The following NKX3-2 variants were observed in gnomAD, a reference collection of about 807,000 sequenced individuals.
The protein encoded by NKX3-2 is NK3 homeobox 2.
A neutral mutation model predicts 19.4 loss-of-function variants in NKX3-2; 13 were observed. That is an observed-to-expected ratio of 0.67 (90% CI 0.44 to 1.07). The LOEUF is 1.07. Ranked by LOEUF, NKX3-2 falls within the 50% of genes least tolerant of loss-of-function variation. The probability of loss-of-function intolerance (pLI) is 0.00; values close to 1 mark genes in which losing one functional copy is unlikely to be tolerated. For synonymous variants in NKX3-2, 269 were observed against 230.5 expected (o/e 1.17, Z -1.51); for missense variants, 562 against 488.2 (o/e 1.15, Z -1.42).
rs532908380 is a variant in NKX3-2, at chr4:13,543,306, G to A, written c.466+643C>T. On this transcript the variant is annotated intron_variant, in intron 1 of 1. Transcript: ENST00000382438. The surrounding 1 kb of genome is among the most constrained non-coding windows in gnomAD (Gnocchi z 7.1). ...CCGGGTCTTCCAGACCACAGGACAG[G>A]ACAGGCCACGGCTGAGGAGGCCTCT... Among the ~76,000 whole-genome samples, 2 of 152,296 alleles carry A rather than the reference G, an allele frequency of 1.3e-5. No homozygotes were observed. The highest frequency in any genetic ancestry group is 3.9e-4 in the East Asian group (2 of 5,148).
rs769173665 is a variant in NKX3-2 at position 13,544,461 on chromosome 4, C to G, written c.-47G>C. The G allele has an allele frequency of 5.2e-6, 7 of 1,358,082 alleles. No homozygotes were observed. Among genetic ancestry groups the G allele is most frequent in the South Asian group, 4.9e-5 (3 of 61,588 alleles). 84.1% of individuals were successfully genotyped at this position (1,358,082 alleles called of 1,614,324 possible). A position where few individuals can be genotyped will look rare whatever the true frequency, so the allele number is the denominator to read the frequency against. The stretch of plus-strand genomic sequence containing the variant: ...CCGGCGGGGCGGGCAGCTGGGGCGC[C>G]GAGCAGCTCCGAGCGGGACAGAGAG... On this transcript the variant is annotated 5_prime_UTR_variant, in exon 1 of 2. Transcript: ENST00000382438.
chr4:13,545,560 C>CCTTGA (rs1299720530), upstream of NKX3-2, among the ~76,000 whole-genome samples: 1 of 151,944 alleles, frequency 6.6e-6, no homozygotes, highest in Non-Finnish European at 1.5e-5. Context: ...TCCTCGTCGT[C>CCTTGA]TTTGATTTGA....
upstream of NKX3-2, chr4:13,547,437 C>T (rs1043097055): frequency 1.3e-5 from 4 of 317,874 alleles, 1 homozygote; most frequent in South Asian, 7.2e-5. Flanking sequence ...CCCGGCCGGG[C>T]GGCCGGTGAG....
Position 13,544,436 on chromosome 4 carries a change from C to T in NKX3-2, c.-22G>A. Reference sequence around the variant, plus strand: ...CCATCTGCGCCGCGGGCAGGAGCGGCCGGCGGGGCGGGCAGCTGGGGCGCC... The same window carrying T: ...CCATCTGCGCCGCGGGCAGGAGCGGTCGGCGGGGCGGGCAGCTGGGGCGCC... On this transcript the variant is annotated 5_prime_UTR_variant, in exon 1 of 2. Transcript: ENST00000382438. The T allele has an allele frequency of 4.1e-6, 6 of 1,468,542 alleles. No individual in the cohort carries two copies. The highest frequency in any genetic ancestry group is 5.4e-6 in the Non-Finnish European group (6 of 1,117,048). 91.0% of individuals were successfully genotyped at this position (1,468,542 alleles called of 1,614,324 possible). A position where few individuals can be genotyped will look rare whatever the true frequency, so the allele number is the denominator to read the frequency against.
Position 13,542,499 on chromosome 4 carries a change from C to G in NKX3-2, c.496G>C (p.Gly166Arg), listed in dbSNP as rs748256491. Residue 166 changes from glycine (G) to arginine (R), a missense_variant, in exon 2 of 2, where the codon GGT becomes CGT. Transcript: ENST00000382438. The surrounding 1 kb of genome is among the most constrained non-coding windows in gnomAD (Gnocchi z 6.4). Reference protein sequence around the residue: ...GDRSPRTEDDGVGPRGAHVSA... With the variant: ...GDRSPRTEDDRVGPRGAHVSA... Reference sequence around the variant, plus strand: ...ACGTGTGCACCTCTGGGGCCAACACCGTCGTCCTCGGTCCTTGGGCTGCGG... The same window carrying G: ...ACGTGTGCACCTCTGGGGCCAACACGGTCGTCCTCGGTCCTTGGGCTGCGG... 6.3e-7 allele frequency: 1 copy of G among 1,596,670 alleles called. No homozygotes were observed. Among genetic ancestry groups the G allele is most frequent in the Non-Finnish European group, 8.5e-7 (1 of 1,179,594 alleles).
In NKX3-2 at chr4:13,541,700, T is replaced by C. The variant is rs1717987656; in HGVS notation, c.*293A>G. 2 of 380,838 alleles carry C rather than the reference T, an allele frequency of 5.3e-6. No individual in the cohort carries two copies. Among genetic ancestry groups the C allele is most frequent in the Non-Finnish European group, 9.4e-6 (2 of 212,322 alleles). The allele number at this position is 380,838 out of a possible 1,614,324, so 23.6% of individuals were successfully genotyped here. A position where few individuals can be genotyped will look rare whatever the true frequency, so the allele number is the denominator to read the frequency against. On this transcript the variant is annotated 3_prime_UTR_variant, in exon 2 of 2. Transcript: ENST00000382438. ...CCAGGCAGACATATTCGAATCAAAA[T>C]TTAATTCCAACATTGTCATGATAAT...
Position 13,542,530 on chromosome 4 carries a change from T to C in NKX3-2, c.467-2A>G. On this transcript the variant is annotated splice_acceptor_variant, in intron 1 of 1. Coordinates refer to ENST00000382438, the MANE Select transcript of NKX3-2 (RefSeq NM_001189.4). LOFTEE classifies it high-confidence loss of function. This position sits in a 1 kb window ranked among gnomAD's most constrained non-coding sequence, Gnocchi z 6.4. Reference sequence around the variant, plus strand: ...CCTCGGTCCTTGGGCTGCGGTCGCCTGCGGACCCCGGTGGGAACAGAAACA... The same window carrying C: ...CCTCGGTCCTTGGGCTGCGGTCGCCCGCGGACCCCGGTGGGAACAGAAACA... 6.3e-7 allele frequency: 1 copy of C among 1,596,320 alleles called. No homozygotes were observed. Among genetic ancestry groups the C allele is most frequent in the Non-Finnish European group, 8.5e-7 (1 of 1,179,586 alleles).
rs574180338 is a variant in NKX3-2, at chr4:13,543,809, C to T, written c.466+140G>A. ...CCCGAAGTGATAGAGCAGCTCGCGCCAGAGCGCAGAACTTCGGGATTTGGC... is the reference window on the plus strand; with the variant it reads ...CCCGAAGTGATAGAGCAGCTCGCGCTAGAGCGCAGAACTTCGGGATTTGGC... On this transcript the variant is annotated intron_variant, in intron 1 of 1. Coordinates refer to ENST00000382438, the MANE Select transcript of NKX3-2 (RefSeq NM_001189.4). The surrounding 1 kb of genome is among the most constrained non-coding windows in gnomAD (Gnocchi z 7.1). 1 of 775,094 alleles carries T rather than the reference C, an allele frequency of 1.3e-6. No individual in the cohort carries two copies. Among genetic ancestry groups the T allele is most frequent in the Non-Finnish European group, 2.0e-6 (1 of 512,416 alleles). The allele number at this position is 775,094 out of a possible 1,614,324, so 48.0% of individuals were successfully genotyped here. A position where few individuals can be genotyped will look rare whatever the true frequency, so the allele number is the denominator to read the frequency against.
rs1177696263 is a variant in NKX3-2 at position 13,543,922 on chromosome 4, C to T, written c.466+27G>A. The T allele has an allele frequency of 6.5e-7, 1 of 1,527,018 alleles. No homozygotes were observed. The highest frequency in any genetic ancestry group is 8.8e-7 in the Non-Finnish European group (1 of 1,138,396). 94.6% of individuals were successfully genotyped at this position (1,527,018 alleles called of 1,614,324 possible). A position where few individuals can be genotyped will look rare whatever the true frequency, so the allele number is the denominator to read the frequency against. ...TCCGCGTCCATCCCCTCAGCCCGGC[C>T]CCCATCCCCGCGAAGCCGCAGCAGA... On this transcript the variant is annotated intron_variant, in intron 1 of 1. Coordinates refer to ENST00000382438, the MANE Select transcript of NKX3-2 (RefSeq NM_001189.4). This position sits in a 1 kb window ranked among gnomAD's most constrained non-coding sequence, Gnocchi z 7.1.
In NKX3-2 at chr4:13,544,476, G is replaced by T; in HGVS notation, c.-62C>A. 1 of 1,221,742 alleles carries T rather than the reference G, an allele frequency of 8.2e-7. No homozygotes were observed. The highest frequency in any genetic ancestry group is 1.6e-5 in the African/African-American group (1 of 62,748). The allele number at this position is 1,221,742 out of a possible 1,614,324, so 75.7% of individuals were successfully genotyped here. On this transcript the variant is annotated 5_prime_UTR_variant, in exon 1 of 2. Transcript: ENST00000382438. ...GCTGGGGCGCCGAGCAGCTCCGAGC[G>T]GGACAGAGAGCGCCGGCGGCCGCAG...
chr4:13,544,001 T>C lies in NKX3-2; in HGVS notation c.414A>G (p.Leu138=), dbSNP rs767003449. Residue 138 remains leucine (L), a synonymous_variant, in exon 1 of 2, where the codon CTA becomes CTG. Coordinates refer to ENST00000382438, the MANE Select transcript of NKX3-2 (RefSeq NM_001189.4). ...PVCELAASKD[L]EEEAAGRSDS... ...CGCTCCGGCCCGCGGCTTCCTCCTCTAGGTCTTTGGAAGCGGCCAGCTCAC... is the reference window on the plus strand; with the variant it reads ...CGCTCCGGCCCGCGGCTTCCTCCTCCAGGTCTTTGGAAGCGGCCAGCTCAC... The C allele has an allele frequency of 6.4e-7, 1 of 1,571,038 alleles. No homozygotes were observed. The highest frequency in any genetic ancestry group is 1.4e-5 in the African/African-American group (1 of 71,968).
chr4:13,542,449 G>A lies in NKX3-2; in HGVS notation c.546C>T (p.Gly182=), dbSNP rs1718014076. 9 of 1,574,200 alleles carry A rather than the reference G, an allele frequency of 5.7e-6. No homozygotes were observed. The highest frequency in any genetic ancestry group is 2.2e-4 in the Middle Eastern group (1 of 4,474). The change falls in exon 2 of 2, where the codon GGC becomes GGT. Residue 182 remains glycine, a synonymous_variant. Coordinates refer to ENST00000382438, the MANE Select transcript of NKX3-2 (RefSeq NM_001189.4). This position sits in a 1 kb window ranked among gnomAD's most constrained non-coding sequence, Gnocchi z 6.4. ...AHVSALCSGA[G]GGGGSGPAGV... ...CTGCCGGCCCGCTGCCGCCCCCGCC[G>A]CCGGCCCCGCTGCACAGCGCGGACA...
Position 13,544,475 on chromosome 4 carries a change from C to T in NKX3-2, c.-61G>A, listed in dbSNP as rs531958309. Reference sequence around the variant, plus strand: ...AGCTGGGGCGCCGAGCAGCTCCGAGCGGGACAGAGAGCGCCGGCGGCCGCA... The same window carrying T: ...AGCTGGGGCGCCGAGCAGCTCCGAGTGGGACAGAGAGCGCCGGCGGCCGCA... On this transcript the variant is annotated 5_prime_UTR_variant, in exon 1 of 2. Coordinates refer to ENST00000382438, the MANE Select transcript of NKX3-2 (RefSeq NM_001189.4). The T allele has an allele frequency of 3.3e-5, 43 of 1,297,182 alleles. No homozygotes were observed. In the African/African-American group the frequency reaches 6.1e-4, roughly 19 times the overall value. The allele number at this position is 1,297,182 out of a possible 1,614,324, so 80.4% of individuals were successfully genotyped here.
upstream of NKX3-2, among the ~76,000 whole-genome samples, chr4:13,545,660 G>A (rs1012232599): frequency 6.6e-6 from 1 of 151,964 alleles, no homozygotes; most frequent in Admixed American, 6.6e-5. Flanking sequence ...GAGAATTTCT[G>A]TAAATTTTAT....
chr4:13,542,619 G>A lies in NKX3-2; in HGVS notation c.467-91C>T, dbSNP rs1718019191. The A allele has an allele frequency of 1.3e-6, 2 of 1,498,140 alleles. No homozygotes were observed. Among genetic ancestry groups the A allele is most frequent in the South Asian group, 1.1e-5 (1 of 88,376 alleles). The allele number at this position is 1,498,140 out of a possible 1,614,324, so 92.8% of individuals were successfully genotyped here. ...TCAACTGCAGGGGTCACGGGAGTGGGGCGGAAATACACTTTGATCCCACTC... is the reference window on the plus strand; with the variant it reads ...TCAACTGCAGGGGTCACGGGAGTGGAGCGGAAATACACTTTGATCCCACTC... On this transcript the variant is annotated intron_variant, in intron 1 of 1. Transcript: ENST00000382438. The surrounding 1 kb of genome is among the most constrained non-coding windows in gnomAD (Gnocchi z 6.4).
At position 13,543,386 on chromosome 4, in the gene NKX3-2, G is replaced by C. The variant is rs778742223; in HGVS notation, c.466+563C>G. ...AATCCGGGATCTTCGGCCTAGGGCTGCTCTCCCAGACCTGGGGTCTGAGAA... is the reference window on the plus strand; with the variant it reads ...AATCCGGGATCTTCGGCCTAGGGCTCCTCTCCCAGACCTGGGGTCTGAGAA... On this transcript the variant is annotated intron_variant, in intron 1 of 1. Transcript: ENST00000382438. This position sits in a 1 kb window ranked among gnomAD's most constrained non-coding sequence, Gnocchi z 7.1. Among the ~76,000 whole-genome samples the C allele has an allele frequency of 2.0e-5, 3 of 152,196 alleles. No homozygotes were observed. The highest frequency in any genetic ancestry group is 2.4e-5 in the African/African-American group (1 of 41,456).
At position 13,543,878 on chromosome 4, in the gene NKX3-2, C is replaced by T. The variant is rs1718048955; in HGVS notation, c.466+71G>A. ...GCGCAGGGTGCTCAAGCCGACCACC[C>T]CACTCGGCGTGGTTGCCCTCCGCGT... On this transcript the variant is annotated intron_variant, in intron 1 of 1. Transcript: ENST00000382438. This position sits in a 1 kb window ranked among gnomAD's most constrained non-coding sequence, Gnocchi z 7.1. The T allele has an allele frequency of 1.4e-5, 19 of 1,353,652 alleles. No homozygotes were observed. The highest frequency in any genetic ancestry group is 2.6e-4 in the Middle Eastern group (1 of 3,844). The allele number at this position is 1,353,652 out of a possible 1,614,324, so 83.9% of individuals were successfully genotyped here.
Position 13,541,030 on chromosome 4 carries a change from G to A in NKX3-2, c.*963C>T, listed in dbSNP as rs896230348. 1.5e-4 allele frequency: 23 copies of A among 152,314 alleles called. No homozygotes were observed. Among genetic ancestry groups the A allele is most frequent in the African/African-American group, 4.8e-4 (20 of 41,446 alleles). 9.4% of individuals were successfully genotyped at this position (152,314 alleles called of 1,614,324 possible). A position where few individuals can be genotyped will look rare whatever the true frequency, so the allele number is the denominator to read the frequency against. On this transcript the variant is annotated 3_prime_UTR_variant, in exon 2 of 2. Coordinates refer to ENST00000382438, the MANE Select transcript of NKX3-2 (RefSeq NM_001189.4). ...GCGGATAGGGGAGTCCCGGGCCAGA[G>A]CACTGGAGTCGCAGAGGGCAGAAGG...
In NKX3-2 at chr4:13,544,090, C is replaced by A; in HGVS notation, c.325G>T (p.Asp109Tyr). The change falls in exon 1 of 2, where the codon GAC becomes TAC. Residue 109 changes from aspartate (D) to tyrosine (Y), a missense_variant. By Grantham distance (160) the Asp-to-Tyr change is radical. Coordinates refer to ENST00000382438, the MANE Select transcript of NKX3-2 (RefSeq NM_001189.4). ...CCGGCCCCGCTGGCCCCCCGCGCGT[C>A]CGCGCAGCGCCGCCTGCTCTCGTTC... is the stretch of plus-strand genomic sequence containing the variant. ...EENESRRRCA[D>Y]ARGASGAGLA... 1 of 1,587,204 alleles carries A rather than the reference C, an allele frequency of 6.3e-7. No homozygotes were observed. Among genetic ancestry groups the A allele is most frequent in the Non-Finnish European group, 8.6e-7 (1 of 1,169,342 alleles).
Sources: gnomAD v4.1 joint callset for allele counts (sites outside exome capture counted in the v4.1 genomes callset) on GRCh38, gnomAD v4.1.1 for gene constraint, Gnocchi (gnomAD v3.1) non-coding constraint, MANE v1.5 for transcripts, NCBI Gene and HGNC (gene_info 2026-07-23, HGNC 2026-07-21) for gene names.